The following TBCE variants were observed in gnomAD, a reference collection of about 807,000 sequenced individuals.
The protein encoded by TBCE is tubulin folding cofactor E, also known as tubulin-specific chaperone E.
TBCE carries 53 observed loss-of-function variants against 77.0 expected under a neutral mutation model. The observed-to-expected ratio is 0.69, with a 90% CI of 0.55 to 0.87. The LOEUF (loss-of-function observed/expected upper bound fraction) is 0.87, where lower values mean the gene tolerates loss of function less well. Ranked by LOEUF, TBCE falls within the 40% of genes least tolerant of loss-of-function variation. The pLI is 0.00. For synonymous variants in TBCE, 235 were observed against 241.3 expected, an observed-to-expected ratio of 0.97 and a Z score of 0.24; for missense variants, 624 against 622.4, an observed-to-expected ratio of 1.00 and a Z score of -0.03.
At chr1:235,400,432 G>A (rs140891981) in intron 2 of TBCE, among the ~76,000 whole-genome samples, 5,179 of 39,340 alleles carry the variant, frequency 0.13, 171 homozygotes, top group African/African-American at 0.31. Flanking sequence ...ATGGAGTCTC[G>A]CCCTGTCGCC....
intron 2 of TBCE, among the ~76,000 whole-genome samples, chr1:235,387,598 C>T (rs559412170): frequency 4.4e-4 from 67 of 152,276 alleles, no homozygotes; most frequent in South Asian, 1.0e-3. Flanking sequence ...TAGGACCCTC[C>T]GAGCCAGGTG....
intron 15 of TBCE, among the ~76,000 whole-genome samples, chr1:235,443,962 A>G (rs1682070982): frequency 6.6e-6 from 1 of 152,234 alleles, no homozygotes; most frequent in Non-Finnish European, 1.5e-5. Flanking sequence ...AATTCTCAAG[A>G]TTAAACTTGA....
In TBCE at chr1:235,406,527, G is replaced by T. The variant is rs536790615; in HGVS notation, c.185+4940G>T. Among the ~76,000 whole-genome samples the T allele has an allele frequency of 3.3e-5, 5 of 152,238 alleles. No individual in the cohort carries two copies. In the South Asian group the frequency reaches 1.0e-3, roughly 32 times the overall value. On this transcript the variant is annotated intron_variant, in intron 3 of 16. Coordinates refer to ENST00000642610, the MANE Select transcript of TBCE (RefSeq NM_003193.5). Reference sequence around the variant, plus strand: ...CAAAGAACAAAGAACAAAGAGAAACGTGGATTTTTTCTTTTAGTTTTTGAG... The same window carrying T: ...CAAAGAACAAAGAACAAAGAGAAACTTGGATTTTTTCTTTTAGTTTTTGAG...
intron 3 of TBCE, among the ~76,000 whole-genome samples, chr1:235,401,824 T>TC (rs954198888): frequency 7.9e-6 from 1 of 126,490 alleles, no homozygotes; most frequent in Non-Finnish European, 1.6e-5. Context: ...GCTTTCTTCG[T>TC]CCTTTTTTTT....
Position 235,450,485 on chromosome 1 carries a change from G to A in TBCE, c.*1723G>A, listed in dbSNP as rs1409849713. The A allele has an allele frequency of 9.9e-7, 1 of 1,011,546 alleles. No homozygotes were observed. Among genetic ancestry groups the A allele is most frequent in the Non-Finnish European group, 1.4e-6 (1 of 706,094 alleles). The allele number at this position is 1,011,546 out of a possible 1,614,324, so 62.7% of individuals were successfully genotyped here. A position where few individuals can be genotyped will look rare whatever the true frequency, so the allele number is the denominator to read the frequency against. ...CTCCGTGTGTGGAACAACTGGTGAG[G>A]TTTGGGGGTGGCACCTCCTGATTTG... On this transcript the variant is annotated 3_prime_UTR_variant, in exon 17 of 17. Transcript: ENST00000642610.
rs1678922979 is a variant in TBCE at position 235,399,027 on chromosome 1, C to T, written c.101-2476C>T. ...GGAGTGCAGTGGCTCAACCTTGGCT[C>T]ACTGCAACCTCCATACCTCAGGCTC... is the stretch of plus-strand genomic sequence containing the variant. On this transcript the variant is annotated intron_variant, in intron 2 of 16. Transcript: ENST00000642610. 2.7e-5 allele frequency among the ~76,000 whole-genome samples: 4 copies of T among 150,144 alleles called. 1 individual carries two copies. Among genetic ancestry groups the T allele is most frequent in the African/African-American group, 2.4e-5 (1 of 40,908 alleles).
intron 1 of TBCE, among the ~76,000 whole-genome samples, chr1:235,372,662 C>G (rs962586638): frequency 3.9e-5 from 6 of 151,906 alleles, no homozygotes; most frequent in Non-Finnish European, 7.4e-5. Flanking sequence ...CGGTGGCTCA[C>G]GTCTGTAATT....
intron 5 of TBCE, among the ~76,000 whole-genome samples, chr1:235,422,921 T>C (rs1680480535): frequency 6.6e-6 from 1 of 152,204 alleles, no homozygotes; most frequent in Non-Finnish European, 1.5e-5. Flanking sequence ...AGAATCAGCA[T>C]GTTGTTTGTT....
At chr1:235,442,282 T>C (rs777879645) in intron 14 of TBCE, among the ~76,000 whole-genome samples, 21 of 152,208 alleles carry the variant, frequency 1.4e-4, no homozygotes, top group Admixed American at 6.5e-4. Flanking sequence ...GCGATTTTCG[T>C]GCCTTAGCCT....
chr1:235,371,072 T>TTTTTA, intron 1 of TBCE, among the ~76,000 whole-genome samples: 3 of 121,718 alleles, frequency 2.5e-5, no homozygotes, highest in Admixed American at 8.4e-5. Flanking sequence ...TTTTTTTTTT[T>TTTTTA]GAGACAGAGT....
At chr1:235,418,595 T>C (rs1246560001) in intron 4 of TBCE, 2 of 152,250 alleles carry the variant, frequency 1.3e-5, no homozygotes, top group South Asian at 2.1e-4. Context: ...CTCCATAGCA[T>C]GTACTTCTGC....
intron 2 of TBCE, among the ~76,000 whole-genome samples, chr1:235,389,280 G>A (rs542248278): frequency 2.6e-5 from 4 of 152,262 alleles, no homozygotes; most frequent in African/African-American, 9.6e-5. Context: ...TTTCTCCCTT[G>A]AAAATTGTAA....
intron 15 of TBCE, among the ~76,000 whole-genome samples, chr1:235,447,882 C>T (rs1313208067): frequency 6.6e-6 from 1 of 151,858 alleles, no homozygotes; most frequent in Non-Finnish European, 1.5e-5. Context: ...TCAGGCTTTC[C>T]CCTAATTACT....
intron 1 of TBCE, among the ~76,000 whole-genome samples, chr1:235,370,322 C>G (rs556757071): frequency 1.3e-5 from 2 of 149,004 alleles, no homozygotes; most frequent in South Asian, 2.1e-4. Flanking sequence ...GGTACGTTCT[C>G]GGCTCACTGC....
intron 1 of TBCE, among the ~76,000 whole-genome samples, chr1:235,379,648 A>T (rs1677500573): frequency 6.6e-6 from 1 of 151,366 alleles, no homozygotes. Flanking sequence ...TCTCTCCCAA[A>T]CTTGAACCTT....
intron 3 of TBCE, among the ~76,000 whole-genome samples, chr1:235,406,189 A>G (rs1402058472): frequency 6.6e-6 from 1 of 152,242 alleles, no homozygotes; most frequent in Non-Finnish European, 1.5e-5. Flanking sequence ...GCAATACAAA[A>G]GAGATCATTG....
intron 6 of TBCE, chr1:235,430,163 G>C (rs16832608): frequency 8.4e-5 from 13 of 154,874 alleles, no homozygotes; most frequent in African/African-American, 3.1e-4. Context: ...CTGGAAATAC[G>C]GGCTTGTGTT....
At chr1:235,370,040 C>T (rs1384728609) in intron 1 of TBCE, among the ~76,000 whole-genome samples, 1 of 152,082 alleles carries the variant, frequency 6.6e-6, no homozygotes, top group Non-Finnish European at 1.5e-5. Flanking sequence ...CTTTACCTCT[C>T]TCATATTTTG....
chr1:235,417,251 A>G (rs1680160966), intron 4 of TBCE, among the ~76,000 whole-genome samples: 1 of 152,194 alleles, frequency 6.6e-6, no homozygotes. Flanking sequence ...TGACCTGGCA[A>G]AGAAGGCTAT....
Sources: allele counts gnomAD v4.1 joint callset (sites outside exome capture counted in the v4.1 genomes callset), GRCh38; gene constraint gnomAD v4.1.1; transcripts MANE v1.5; gene names NCBI Gene and HGNC (gene_info 2026-07-23, HGNC 2026-07-21).